The following CD80 variants were observed in gnomAD, a reference collection of about 807,000 sequenced individuals.
The protein encoded by CD80 is CD80 molecule, also known as T-lymphocyte activation antigen CD80.
A neutral mutation model predicts 27.1 loss-of-function variants in CD80; 13 were observed. The observed-to-expected ratio is 0.48, with a 90% CI of 0.31 to 0.76. The LOEUF (loss-of-function observed/expected upper bound fraction) is 0.76, where lower values mean the gene tolerates loss of function less well. Ranked by LOEUF, CD80 falls within the 30% of genes least tolerant of loss-of-function variation. The pLI, the probability that CD80 is intolerant of heterozygous loss-of-function variation, is 0.04. For synonymous variants in CD80, 125 were observed against 125.5 expected (o/e 1.00, Z 0.03); for missense variants, 277 against 347.9 (o/e 0.80, Z 1.62).
In CD80 at chr3:119,544,958, A is replaced by C. The variant is rs114798392; in HGVS notation, c.101-91T>G. 340 of 1,017,402 alleles carry C rather than the reference A, an allele frequency of 3.3e-4. No individual in the cohort carries two copies. In the African/African-American group the frequency reaches 5.1e-3, roughly 15 times the overall value. The allele number at this position is 1,017,402 out of a possible 1,614,324, so 63.0% of individuals were successfully genotyped here. A position where few individuals can be genotyped will look rare whatever the true frequency, so the allele number is the denominator to read the frequency against. The stretch of plus-strand genomic sequence containing the variant: ...TCCAAAGTCGGCAGTAACAGAACTT[A>C]GGGTGTTGTGTCTAGTGACTAAGTA... On this transcript the variant is annotated intron_variant, in intron 2 of 6. Coordinates refer to ENST00000264246, the MANE Select transcript of CD80 (RefSeq NM_005191.4).
intron 1 of CD80, among the ~76,000 whole-genome samples, chr3:119,559,089 T>G (rs970453232): frequency 6.6e-6 from 1 of 152,178 alleles, no homozygotes; most frequent in Admixed American, 6.5e-5. Flanking sequence ...CAGGCTAGAG[T>G]GCAGTGGCGT....
intron 2 of CD80, 102 bp from the exon 3 acceptor site, chr3:119,544,969 T>C: frequency 1.2e-6 from 1 of 842,720 alleles, no homozygotes; most frequent in Non-Finnish European, 1.9e-6. Flanking sequence ...GGGTGTTGTG[T>C]CTAGTGACTA....
rs201748575 is a variant in CD80, at chr3:119,558,525, G to A, written c.-200-597C>T. On this transcript the variant is annotated intron_variant, in intron 1 of 6. Coordinates refer to ENST00000264246, the MANE Select transcript of CD80 (RefSeq NM_005191.4). ...CGCCTGTAATCCCAGCACTTTGGGA[G>A]GCTGAGGTGGGCGGATTACTTGAGG... Among the ~76,000 whole-genome samples the A allele has an allele frequency of 8.5e-5, 13 of 152,294 alleles. No homozygotes were observed. In the East Asian group the frequency reaches 2.3e-3, roughly 27 times the overall value.
rs533290572 is a variant in CD80, at chr3:119,542,361, TAAAAC to T, written c.418+2184_418+2188del. Reference sequence around the variant, plus strand: ...CAAGTAAAGATTCATAGCTAATGATTAAAACAAAGAACAGTAAGGAATTCACTACG... The same window carrying T: ...CAAGTAAAGATTCATAGCTAATGATTAAAGAACAGTAAGGAATTCACTACG... On this transcript the variant is annotated intron_variant, in intron 3 of 6. Coordinates refer to ENST00000264246, the MANE Select transcript of CD80 (RefSeq NM_005191.4). Among the ~76,000 whole-genome samples the T allele has an allele frequency of 5.0e-4, 76 of 152,284 alleles. No individual in the cohort carries two copies. In the East Asian group the frequency reaches 5.4e-3, roughly 11 times the overall value.
chr3:119,534,839 AG>A (rs1207814674), intron 4 of CD80, among the ~76,000 whole-genome samples: 1 of 152,142 alleles, frequency 6.6e-6, no homozygotes, highest in Non-Finnish European at 1.5e-5. Flanking sequence ...GTCATGTCAA[AG>A]TTTGGTTTAT....
At chr3:119,557,114 A>G (rs1178222695) in intron 2 of CD80, among the ~76,000 whole-genome samples, 1 of 152,244 alleles carries the variant, frequency 6.6e-6, no homozygotes, top group African/African-American at 2.4e-5. Flanking sequence ...AATAAGATTA[A>G]TGTATTAAGA....
intron 2 of CD80, among the ~76,000 whole-genome samples, chr3:119,550,645 A>G (rs2082226498): frequency 6.6e-6 from 1 of 152,218 alleles, no homozygotes; most frequent in Non-Finnish European, 1.5e-5. Flanking sequence ...TGGCGGGGAA[A>G]GTCAGCACCT....
intron 3 of CD80, among the ~76,000 whole-genome samples, chr3:119,540,618 G>C (rs1462000925): frequency 6.6e-6 from 1 of 152,118 alleles, no homozygotes; most frequent in Non-Finnish European, 1.5e-5. Context: ...ACATCAATAT[G>C]TTTTGTGTTA....
Position 119,554,618 on chromosome 3 carries a change from G to T in CD80, c.100+3011C>A, listed in dbSNP as rs116813449. ...CCTTCCCCTGGGCATCAGTGGCTGG[G>T]CAGGAGGAGAGGGGGAACACCTCTG... On this transcript the variant is annotated intron_variant, in intron 2 of 6. Coordinates refer to ENST00000264246, the MANE Select transcript of CD80 (RefSeq NM_005191.4). Among the ~76,000 whole-genome samples the T allele has an allele frequency of 7.2e-3, 1,091 of 152,296 alleles. 10 individuals are homozygous for T. The highest frequency in any genetic ancestry group is 0.024 in the African/African-American group (999 of 41,548).
intron 4 of CD80, among the ~76,000 whole-genome samples, chr3:119,533,410 CTT>C (rs11393086): frequency 6.8e-6 from 1 of 146,546 alleles, no homozygotes; most frequent in African/African-American, 2.5e-5. Flanking sequence ...TACATTTGGG[CTT>C]TTTTTTTTTT....
At chr3:119,558,620 AG>A (rs903150430) in intron 1 of CD80, among the ~76,000 whole-genome samples, 16 of 152,096 alleles carry the variant, frequency 1.1e-4, no homozygotes, top group Admixed American at 9.8e-4. Context: ...AAAATTAGCC[AG>A]GTGTGGTGGT....
chr3:119,536,898 T>A (rs2082142248), intron 4 of CD80, among the ~76,000 whole-genome samples: 2 of 152,224 alleles, frequency 1.3e-5, no homozygotes, highest in Admixed American at 1.3e-4. Context: ...TGCCTATGTG[T>A]TCAGTATGGT....
At chr3:119,534,592 A>AG (rs1183158644) in intron 4 of CD80, among the ~76,000 whole-genome samples, 3 of 152,164 alleles carry the variant, frequency 2.0e-5, no homozygotes, top group Non-Finnish European at 4.4e-5. Context: ...ATATATCCAT[A>AG]TTCCAATATA....
chr3:119,545,659 T>C (rs1261156059), intron 2 of CD80, among the ~76,000 whole-genome samples: 1 of 152,156 alleles, frequency 6.6e-6, no homozygotes, highest in African/African-American at 2.4e-5. Flanking sequence ...TTCATTCACG[T>C]TGTAGCATAT....
chr3:119,552,828 T>G (rs569475432), intron 2 of CD80, among the ~76,000 whole-genome samples: 6 of 152,210 alleles, frequency 3.9e-5, no homozygotes, highest in African/African-American at 1.2e-4. Flanking sequence ...CGCCACATAT[T>G]GTAAGAAATG....
intron 6 of CD80, among the ~76,000 whole-genome samples, chr3:119,527,201 A>G (rs2082071868): frequency 6.6e-6 from 1 of 152,218 alleles, no homozygotes; most frequent in South Asian, 2.1e-4. Flanking sequence ...TGGAAAGTTA[A>G]AAAGCTTTGA....
At chr3:119,549,164 T>C (rs546896770) in intron 2 of CD80, among the ~76,000 whole-genome samples, 1 of 152,208 alleles carries the variant, frequency 6.6e-6, no homozygotes, top group Admixed American at 6.5e-5. Flanking sequence ...CATCTTCAGG[T>C]ACCCTAAATG....
chr3:119,531,047 G>C (rs1645852090), intron 4 of CD80, among the ~76,000 whole-genome samples: 1 of 152,254 alleles, frequency 6.6e-6, no homozygotes, highest in Non-Finnish European at 1.5e-5. Context: ...AATGTGTGAT[G>C]CTTAGTTCTG....
chr3:119,555,634 C>T (rs890313312), intron 2 of CD80, among the ~76,000 whole-genome samples: 1 of 152,234 alleles, frequency 6.6e-6, no homozygotes, highest in African/African-American at 2.4e-5. Flanking sequence ...AGGAAGACAG[C>T]ACTTCCTCAG....
Sources: allele counts gnomAD v4.1 joint callset (sites outside exome capture counted in the v4.1 genomes callset), GRCh38; gene constraint gnomAD v4.1.1; transcripts MANE v1.5; gene names NCBI Gene and HGNC (gene_info 2026-07-23, HGNC 2026-07-21).